The following COPS4 variants were observed in gnomAD, a reference collection of about 807,000 sequenced individuals.
COPS4 encodes COP9 signalosome subunit 4.
Under a neutral mutation model 55.1 loss-of-function variants are expected in COPS4, and 8 were observed. The observed-to-expected ratio is 0.15, with a 90% CI of 0.09 to 0.26. The LOEUF (loss-of-function observed/expected upper bound fraction) is 0.26. Ranked by LOEUF, COPS4 falls within the 10% of genes least tolerant of loss-of-function variation. The pLI, the probability that COPS4 is intolerant of heterozygous loss-of-function variation, is 1.00. For synonymous variants in COPS4, 185 were observed against 165.7 expected, an observed-to-expected ratio of 1.12 and a Z score of -0.90; for missense variants, 248 against 484.0, an observed-to-expected ratio of 0.51 and a Z score of 4.58.
At chr4:83,055,687 C>T (rs867673577) in intron 4 of COPS4, among the ~76,000 whole-genome samples, 5 of 151,976 alleles carry the variant, frequency 3.3e-5, no homozygotes, top group Admixed American at 1.3e-4. Flanking sequence ...GTGATCTGCC[C>T]GCCTCGGGCT....
chr4:83,035,252 G>A lies in COPS4; in HGVS notation c.28G>A (p.Ala10Thr). MAAAVRQDL[A>T]QLMNSSGSHK... ...GGCGGCAGCCGTGCGACAGGATTTGGCCCAGCTCATGAATTCGAGCGGCTC... is the reference window on the plus strand; with the variant it reads ...GGCGGCAGCCGTGCGACAGGATTTGACCCAGCTCATGAATTCGAGCGGCTC... The change falls in exon 1 of 10, where the codon GCC (alanine) becomes ACC (threonine). Residue 10 changes from alanine (A) to threonine (T), a missense_variant. By Grantham distance (58) the Ala-to-Thr change is moderately conservative. Transcript: ENST00000264389. 1 of 1,574,138 alleles carries A rather than the reference G, an allele frequency of 6.4e-7. No homozygotes were observed. The highest frequency in any genetic ancestry group is 8.7e-7 in the Non-Finnish European group (1 of 1,154,510).
At chr4:83,051,244 A>G (rs1436962293) in intron 4 of COPS4, among the ~76,000 whole-genome samples, 2 of 152,088 alleles carry the variant, frequency 1.3e-5, no homozygotes, top group African/African-American at 4.8e-5. Context: ...TCCCTACAAA[A>G]AAATTTTTTT....
In COPS4 at chr4:83,063,384, T is replaced by A. The variant is rs1250412706; in HGVS notation, c.886+138T>A. ...TAAAAAAAGAGGAATTGTTTTTATT[T>A]AAAATTTTTTTTTTAATTTATAAAA... On this transcript the variant is annotated intron_variant, in intron 7 of 9. Transcript: ENST00000264389. The A allele has an allele frequency of 2.7e-5, 17 of 619,500 alleles. 1 individual carries two copies. The highest frequency in any genetic ancestry group is 7.4e-5 in the East Asian group (2 of 26,850). The allele number at this position is 619,500 out of a possible 1,614,324, so 38.4% of individuals were successfully genotyped here. A position where few individuals can be genotyped will look rare whatever the true frequency, so the allele number is the denominator to read the frequency against.
intron 1 of COPS4, among the ~76,000 whole-genome samples, chr4:83,040,226 T>TAAA (rs1730524947): frequency 6.6e-6 from 1 of 152,248 alleles, no homozygotes; most frequent in East Asian, 1.9e-4. Context: ...GCTCCTGGTC[T>TAAA]GTTGCTGAAA....
In COPS4 at chr4:83,047,557, CAATT is replaced by C. The variant is rs771348624; in HGVS notation, c.155-1606_155-1603del. Among the ~76,000 whole-genome samples, 90 of 151,592 alleles carry C rather than the reference CAATT, an allele frequency of 5.9e-4. 1 individual carries two copies. In the East Asian group the frequency reaches 0.014, roughly 23 times the overall value. On this transcript the variant is annotated intron_variant, in intron 2 of 9. Transcript: ENST00000264389. ...CAGCAGTAAGATTGTCTCAAAAAAA[CAATT>C]AAAAAACATATATATATATATTTTT...
chr4:83,057,170 A>T, intron 5 of COPS4, 88 bp from the exon 6 acceptor site: 7 of 1,505,940 alleles, frequency 4.6e-6, no homozygotes, highest in Non-Finnish European at 6.3e-6. Flanking sequence ...GCTCTTAAAT[A>T]TTAGAAATTG....
rs774001611 is a variant in COPS4 at position 83,049,191 on chromosome 4, G to A, written c.180G>A (p.Val60=). The part of the protein sequence containing the change: ...EAMVNENVSL[V]ISRQLLTDFC... ...TGGTAAATGAGAATGTCAGTCTCGTGATCTCGCGGCAGTTGCTGACTGATT... is the reference window on the plus strand; with the variant it reads ...TGGTAAATGAGAATGTCAGTCTCGTAATCTCGCGGCAGTTGCTGACTGATT... The change falls in exon 3 of 10, where the codon GTG becomes GTA. Residue 60 remains valine (V), a synonymous_variant. Coordinates refer to ENST00000264389, the MANE Select transcript of COPS4 (RefSeq NM_016129.3). The A allele has an allele frequency of 1.2e-6, 2 of 1,602,510 alleles. No individual in the cohort carries two copies. Among genetic ancestry groups the A allele is most frequent in the Non-Finnish European group, 8.5e-7 (1 of 1,176,588 alleles).
chr4:83,069,080 A>C (rs1731357707), intron 9 of COPS4, among the ~76,000 whole-genome samples: 1 of 152,122 alleles, frequency 6.6e-6, no homozygotes, highest in South Asian at 2.1e-4. Context: ...TTATGCATCA[A>C]ATATTTATTG....
chr4:83,040,604 A>C (rs1730537413), intron 1 of COPS4, among the ~76,000 whole-genome samples: 1 of 152,174 alleles, frequency 6.6e-6, no homozygotes, highest in Admixed American at 6.5e-5. Context: ...TCCTCCCTAC[A>C]AGAAGTGCCA....
At chr4:83,046,359 G>T (rs1339369473) in intron 2 of COPS4, among the ~76,000 whole-genome samples, 2 of 152,198 alleles carry the variant, frequency 1.3e-5, no homozygotes, top group Non-Finnish European at 2.9e-5. Flanking sequence ...TTCAGCCACT[G>T]TGAAAAGCAG....
intron 9 of COPS4, among the ~76,000 whole-genome samples, chr4:83,071,288 TAAAC>T (rs1318290994): frequency 1.3e-5 from 2 of 152,218 alleles, no homozygotes; most frequent in Non-Finnish European, 2.9e-5. Flanking sequence ...AAGTGTTGAA[TAAAC>T]AAACACAGCA....
In COPS4 at chr4:83,044,553, G is replaced by A. The variant is rs567921844; in HGVS notation, c.75-1073G>A. ...AGCACTTTGGGAGGCTGAGGTGGGCGGATCATGAGGTCGGGAGTTTGAGAC... is the reference window on the plus strand; with the variant it reads ...AGCACTTTGGGAGGCTGAGGTGGGCAGATCATGAGGTCGGGAGTTTGAGAC... On this transcript the variant is annotated intron_variant, in intron 1 of 9. Coordinates refer to ENST00000264389, the MANE Select transcript of COPS4 (RefSeq NM_016129.3). Among the ~76,000 whole-genome samples, 18 of 152,024 alleles carry A rather than the reference G, an allele frequency of 1.2e-4. No individual in the cohort carries two copies. In the South Asian group the frequency reaches 2.1e-3, roughly 18 times the overall value.
At chr4:83,073,224 C>T in intron 9 of COPS4, 2 of 679,792 alleles carry the variant, frequency 2.9e-6, no homozygotes, top group South Asian at 1.6e-5. Flanking sequence ...AACCACCAAT[C>T]CATCTTCTGT....
intron 1 of COPS4, among the ~76,000 whole-genome samples, chr4:83,043,518 C>CAAAAAAA (rs34480105): frequency 2.8e-4 from 5 of 17,670 alleles, no homozygotes; most frequent in Non-Finnish European, 3.6e-4. Flanking sequence ...GACCCTGTCT[C>CAAAAAAA]AAAAAAAAAA....
At chr4:83,055,932 C>T (rs1578712702) in intron 4 of COPS4, among the ~76,000 whole-genome samples, 1 of 100,568 alleles carries the variant, frequency 9.9e-6, no homozygotes. Flanking sequence ...TTTTCTTTTT[C>T]TTTTTTTTTT....
chr4:83,069,475 A>G (rs991962589), intron 9 of COPS4, among the ~76,000 whole-genome samples: 1 of 152,172 alleles, frequency 6.6e-6, no homozygotes, highest in African/African-American at 2.4e-5. Flanking sequence ...AGACAGGCTG[A>G]TACCTCTCTA....
At chr4:83,068,928 G>A (rs1578721854) in intron 9 of COPS4, among the ~76,000 whole-genome samples, 2 of 147,564 alleles carry the variant, frequency 1.4e-5, no homozygotes, top group Admixed American at 6.8e-5. Context: ...CGAAATTGCA[G>A]CACTGCACTC....
intron 1 of COPS4, among the ~76,000 whole-genome samples, chr4:83,036,837 A>T (rs1015185110): frequency 6.6e-6 from 1 of 152,182 alleles, no homozygotes; most frequent in Non-Finnish European, 1.5e-5. Context: ...TATTTTGTTA[A>T]AGAAGAATAA....
At chr4:83,041,130 T>A (rs1188351664) in intron 1 of COPS4, among the ~76,000 whole-genome samples, 1 of 151,334 alleles carries the variant, frequency 6.6e-6, no homozygotes, top group Admixed American at 6.6e-5. Context: ...TGGCATGATC[T>A]TGGCTTACTG....
Sources: allele counts gnomAD v4.1 joint callset (sites outside exome capture counted in the v4.1 genomes callset), GRCh38; gene constraint gnomAD v4.1.1; transcripts MANE v1.5; gene names NCBI Gene and HGNC (gene_info 2026-07-23, HGNC 2026-07-21).